CTCF: variants seen among roughly 807,000 people sequenced by gnomAD.
CTCF encodes the protein transcriptional repressor CTCF.
CTCF carries 7 observed loss-of-function variants against 72.3 expected under a neutral mutation model. The observed-to-expected ratio is 0.10, with a 90% CI of 0.06 to 0.18. The LOEUF (loss-of-function observed/expected upper bound fraction) is 0.18, where lower values mean the gene tolerates loss of function less well. Among genes scored for constraint, CTCF ranks in the 10% least tolerant of loss-of-function variants. The pLI is 1.00. For missense variants in CTCF, 516 were observed against 949.1 expected, an observed-to-expected ratio of 0.54 and a Z score of 6.00; for synonymous variants, 374 against 315.8, an observed-to-expected ratio of 1.18 and a Z score of -1.95.
At chr16:67,571,494 T>C (rs2051419485) in intron 2 of CTCF, among the ~76,000 whole-genome samples, 2 of 152,174 alleles carry the variant, frequency 1.3e-5, no homozygotes, top group Admixed American at 1.3e-4. Flanking sequence ...TAGTCCTCAC[T>C]TGTGAGAGAA....
chr16:67,565,842 A>T (rs1200454651), intron 1 of CTCF, among the ~76,000 whole-genome samples: 1 of 152,184 alleles, frequency 6.6e-6, no homozygotes, highest in East Asian at 1.9e-4. Context: ...CTCACCTGGG[A>T]CTTCTGAATG....
At chr16:67,619,496 T>G (rs2052174999) in intron 5 of CTCF, among the ~76,000 whole-genome samples, 2 of 152,364 alleles carry the variant, frequency 1.3e-5, no homozygotes, top group South Asian at 4.1e-4. Context: ...GTTTTTTGTT[T>G]GTTTGTTTCC....
chr16:67,569,883 G>A (rs972109915), intron 1 of CTCF, among the ~76,000 whole-genome samples: 4 of 151,426 alleles, frequency 2.6e-5, no homozygotes, highest in Non-Finnish European at 5.9e-5. Context: ...ATGGGGTTTC[G>A]CCATGTTGGT....
chr16:67,613,143 CTG>C (rs1422022662), intron 4 of CTCF, among the ~76,000 whole-genome samples: 4 of 152,220 alleles, frequency 2.6e-5, no homozygotes, highest in Non-Finnish European at 1.5e-5. Context: ...TAGAGGGACT[CTG>C]TGCACTAAAC....
At chr16:67,628,162 G>A (rs1358354553) in intron 8 of CTCF, among the ~76,000 whole-genome samples, 1 of 152,096 alleles carries the variant, frequency 6.6e-6, no homozygotes, top group African/African-American at 2.4e-5. Context: ...TGAAGCTGCA[G>A]TAAGCCATGA....
At position 67,565,673 on chromosome 16, in the gene CTCF, C is replaced by CAAA. The variant is rs201956341; in HGVS notation, c.-127+2968_-127+2970dup. Among the ~76,000 whole-genome samples, 374 of 62,024 alleles carry CAAA rather than the reference C, an allele frequency of 6.0e-3. 3 individuals are homozygous for CAAA. The highest frequency in any genetic ancestry group is 0.018 in the African/African-American group (349 of 18,878). 40.7% of individuals were successfully genotyped at this position (62,024 alleles called of 152,430 possible). ...GGGCAACAGAGCAAGACTCTTATCT[C>CAAA]AAAAAAAAAAAAAAAAAAAAAGAGT... On this transcript the variant is annotated intron_variant, in intron 1 of 11. Coordinates refer to ENST00000264010, the MANE Select transcript of CTCF (RefSeq NM_006565.4).
At position 67,612,129 on chromosome 16, in the gene CTCF, A is replaced by C; in HGVS notation, c.952+8A>C. 6.2e-7 allele frequency: 1 copy of C among 1,606,358 alleles called. No individual in the cohort carries two copies. Among genetic ancestry groups the C allele is most frequent in the South Asian group, 1.1e-5 (1 of 89,982 alleles). ...ACCTTAACACACACACAGGTGCTGG[A>C]TAAGAATGTTGGGGGCTACAACAGC... is the stretch of plus-strand genomic sequence containing the variant. On this transcript the variant is annotated splice_region_variant and intron_variant, in intron 4 of 11. Transcript: ENST00000264010.
chr16:67,568,130 A>G (rs2051366227), intron 1 of CTCF: 1 of 151,742 alleles, frequency 6.6e-6, no homozygotes, highest in Non-Finnish European at 1.5e-5. Context: ...CCCAGGCTGG[A>G]GTGCAGTGGC....
chr16:67,602,851 A>AC (rs1463629817), intron 2 of CTCF, among the ~76,000 whole-genome samples: 14 of 151,798 alleles, frequency 9.2e-5, no homozygotes. Flanking sequence ...CCAAAAAAAA[A>AC]AAAAAAAAAA....
At chr16:67,635,674 A>C (rs1243410506) in intron 10 of CTCF, 3 of 151,322 alleles carry the variant, frequency 2.0e-5, no homozygotes, top group Non-Finnish European at 4.4e-5. Context: ...TTTTTAGTAG[A>C]GTCAGGGTTT....
At chr16:67,563,580 CA>C (rs1567586952) in intron 1 of CTCF, 5 of 152,220 alleles carry the variant, frequency 3.3e-5, no homozygotes, top group African/African-American at 1.2e-4. Flanking sequence ...GCGGCCCCCC[CA>C]CGGTGGGCGG....
chr16:67,571,659 A>G (rs572249521), intron 2 of CTCF, among the ~76,000 whole-genome samples: 13 of 152,306 alleles, frequency 8.5e-5, no homozygotes, highest in African/African-American at 2.9e-4. Flanking sequence ...CTATTGGCAA[A>G]TGAACTGAAA....
At chr16:67,594,951 G>C (rs1445578836) in intron 2 of CTCF, among the ~76,000 whole-genome samples, 1 of 152,144 alleles carries the variant, frequency 6.6e-6, no homozygotes, top group South Asian at 2.1e-4. Flanking sequence ...AGCTGGGAAG[G>C]GACAAGACAT....
chr16:67,629,745 C>CTTTTTT lies in CTCF; in HGVS notation c.1837+212_1837+213insTTTTTT, dbSNP rs1567616725. Among the ~76,000 whole-genome samples the CTTTTTT allele has an allele frequency of 3.8e-4, 32 of 85,030 alleles. 3 individuals carry two copies. The highest frequency in any genetic ancestry group is 6.2e-4 in the Non-Finnish European group (27 of 43,566). 55.8% of individuals were successfully genotyped at this position (85,030 alleles called of 152,430 possible). A position where few individuals can be genotyped will look rare whatever the true frequency, so the allele number is the denominator to read the frequency against. ...TTCGTGGCATTCCGCTCATTAATGC[C>CTTTTTT]CTTTTTTTTTTTTTTTTTTTTTTTT... On this transcript the variant is annotated intron_variant, in intron 10 of 11. Transcript: ENST00000264010.
intron 2 of CTCF, among the ~76,000 whole-genome samples, chr16:67,587,867 GTTTGTTTTGT>G (rs956054014): frequency 6.6e-6 from 1 of 151,950 alleles, no homozygotes; most frequent in African/African-American, 2.4e-5. Flanking sequence ...TTTTGTTGTT[GTTTGTTTTGT>G]TTTGTTTTGA....
At chr16:67,590,080 T>G (rs2051719147) in intron 2 of CTCF, among the ~76,000 whole-genome samples, 1 of 149,978 alleles carries the variant, frequency 6.7e-6, no homozygotes, top group Admixed American at 6.6e-5. Flanking sequence ...AGAGCGAAAC[T>G]CCGTCTCAAA....
intron 2 of CTCF, among the ~76,000 whole-genome samples, chr16:67,582,522 G>A (rs1167476018): frequency 6.6e-6 from 1 of 151,870 alleles, no homozygotes; most frequent in Non-Finnish European, 1.5e-5. Flanking sequence ...ATGAAACTCG[G>A]TCTCTACTAA....
intron 2 of CTCF, among the ~76,000 whole-genome samples, chr16:67,575,640 A>C (rs1182282608): frequency 1.3e-5 from 2 of 151,736 alleles, no homozygotes; most frequent in Admixed American, 6.6e-5. Context: ...ACGGGGTTTC[A>C]CCATATTGGC....
intron 1 of CTCF, among the ~76,000 whole-genome samples, chr16:67,569,941 T>C (rs1317762015): frequency 1.3e-5 from 2 of 152,174 alleles, no homozygotes; most frequent in East Asian, 3.8e-4. Flanking sequence ...CTGCCTTGGC[T>C]TCCCCAGTTA....
Sources: allele counts gnomAD v4.1 joint callset (sites outside exome capture counted in the v4.1 genomes callset), GRCh38; gene constraint gnomAD v4.1.1; transcripts MANE v1.5; gene names NCBI Gene and HGNC (gene_info 2026-07-23, HGNC 2026-07-21).